ARID1B: variants seen among roughly 807,000 people sequenced by gnomAD.
ARID1B encodes the protein AT-rich interaction domain 1B.
Under a neutral mutation model 212.3 loss-of-function variants are expected in ARID1B, and 30 were observed. That is an observed-to-expected ratio of 0.14 (90% CI 0.11 to 0.19). The LOEUF (loss-of-function observed/expected upper bound fraction) is 0.19. Ranked by LOEUF, ARID1B falls within the 10% of genes least tolerant of loss-of-function variation. The pLI is 1.00. For missense variants in ARID1B, 2,891 were observed against 3,204.0 expected (o/e 0.90, Z 2.36); for synonymous variants, 1,402 against 1,301.7 (o/e 1.08, Z -1.66).
chr6:156,958,718 C>T (rs2128317919), intron 4 of ARID1B, among the ~76,000 whole-genome samples: 1 of 152,182 alleles, frequency 6.6e-6, no homozygotes, highest in African/African-American at 2.4e-5. Context: ...AAATAATCGT[C>T]TTCCTCCTTC....
intron 5 of ARID1B, among the ~76,000 whole-genome samples, chr6:157,092,740 T>G (rs1464088289): frequency 2.0e-5 from 3 of 152,236 alleles, no homozygotes; most frequent in Non-Finnish European, 4.4e-5. Flanking sequence ...GTTTAAATTA[T>G]CCTGTCAATT....
At chr6:157,012,936 A>G (rs1166541361) in intron 4 of ARID1B, among the ~76,000 whole-genome samples, 4 of 137,228 alleles carry the variant, frequency 2.9e-5, no homozygotes, top group South Asian at 2.2e-4. Flanking sequence ...CTGGAGTGCA[A>G]TGGCATGATC....
intron 4 of ARID1B, among the ~76,000 whole-genome samples, chr6:157,064,184 G>A (rs986167155): frequency 1.3e-5 from 2 of 152,132 alleles, no homozygotes; most frequent in Admixed American, 6.5e-5. Flanking sequence ...ATTTTTCCCT[G>A]GCTGATCAGC....
chr6:157,009,487 G>A (rs753957790), intron 4 of ARID1B, among the ~76,000 whole-genome samples: 5 of 152,182 alleles, frequency 3.3e-5, no homozygotes, highest in Non-Finnish European at 7.3e-5. Context: ...TAGTTGAAAG[G>A]AGTTGATTAG....
At chr6:156,887,793 G>A (rs1482954708) in intron 2 of ARID1B, among the ~76,000 whole-genome samples, 1 of 152,076 alleles carries the variant, frequency 6.6e-6, no homozygotes, top group Non-Finnish European at 1.5e-5. Context: ...TTCAAAGGCT[G>A]TATTTAAAAC....
rs12209034 is a variant in ARID1B at position 157,084,362 on chromosome 6, C to T, written c.2248-300C>T. Among the ~76,000 whole-genome samples, 20,907 of 152,058 alleles carry T rather than the reference C, an allele frequency of 0.14. 1,666 individuals carry two copies. The highest frequency in any genetic ancestry group is 0.18 in the Non-Finnish European group (12,497 of 67,920). ...GCAGAGTGCTGTCTGTGTTGTGTGG[C>T]ATTTTGAACAGGTCTAATGGACTCG... is the stretch of plus-strand genomic sequence containing the variant. On this transcript the variant is annotated intron_variant, in intron 4 of 19. Coordinates refer to ENST00000636930, the MANE Select transcript of ARID1B (RefSeq NM_001374828.1).
intron 4 of ARID1B, among the ~76,000 whole-genome samples, chr6:157,056,051 T>C (rs748065525): frequency 2.0e-5 from 3 of 152,184 alleles, no homozygotes; most frequent in Non-Finnish European, 2.9e-5. Flanking sequence ...CAAAGTCAAC[T>C]GATTAGGGAC....
chr6:157,020,760 T>G (rs2128472271), intron 4 of ARID1B, among the ~76,000 whole-genome samples: 1 of 152,356 alleles, frequency 6.6e-6, no homozygotes, highest in Non-Finnish European at 1.5e-5. Flanking sequence ...CCTCTCCCCT[T>G]ATATAACTCT....
At chr6:156,864,925 C>T (rs886860880) in intron 2 of ARID1B, among the ~76,000 whole-genome samples, 10 of 152,242 alleles carry the variant, frequency 6.6e-5, no homozygotes, top group Admixed American at 3.9e-4. Context: ...CTTTGTTTTT[C>T]GTAAATAATT....
In ARID1B at chr6:156,924,063, C is replaced by T. The variant is rs1791022932; in HGVS notation, c.2137-11403C>T. ...ACATCTGTGAACATTTAAATGGCAC[C>T]AGGCACAGTGCTAATTGCTTGAAGG... is the stretch of plus-strand genomic sequence containing the variant. On this transcript the variant is annotated intron_variant, in intron 3 of 19. Transcript: ENST00000636930. 2.6e-5 allele frequency among the ~76,000 whole-genome samples: 4 copies of T among 152,236 alleles called. 1 individual carries two copies. The South Asian group carries it at 8.3e-4, about 32-fold the overall frequency.
chr6:156,877,996 G>A (rs1028261963), intron 2 of ARID1B, among the ~76,000 whole-genome samples: 4 of 152,038 alleles, frequency 2.6e-5, no homozygotes, highest in African/African-American at 7.2e-5. Context: ...GATTACAGGC[G>A]TGAACCACCG....
chr6:157,128,096 ACTG>A (rs1788266310), intron 6 of ARID1B, among the ~76,000 whole-genome samples: 1 of 152,208 alleles, frequency 6.6e-6, no homozygotes, highest in Non-Finnish European at 1.5e-5. Flanking sequence ...AGATGAGGAA[ACTG>A]CTAATAGACA....
intron 17 of ARID1B, among the ~76,000 whole-genome samples, chr6:157,199,227 G>A (rs1793941552): frequency 6.6e-6 from 1 of 152,160 alleles, no homozygotes; most frequent in Non-Finnish European, 1.5e-5. Flanking sequence ...GCATACTGTT[G>A]TATCAGAAGC....
intron 4 of ARID1B, among the ~76,000 whole-genome samples, chr6:157,076,314 T>TG (rs1426674386): frequency 3.8e-4 from 51 of 134,908 alleles, no homozygotes; most frequent in African/African-American, 1.3e-3. Flanking sequence ...TTTGTTTGTT[T>TG]TGTTTTTTTT....
chr6:156,986,895 T>C (rs1562529742), intron 4 of ARID1B, among the ~76,000 whole-genome samples: 1 of 152,112 alleles, frequency 6.6e-6, no homozygotes, highest in East Asian at 1.9e-4. Flanking sequence ...TAAAACAACA[T>C]AGGCCGGGTG....
At chr6:156,966,735 T>C (rs1242584670) in intron 4 of ARID1B, among the ~76,000 whole-genome samples, 1 of 151,852 alleles carries the variant, frequency 6.6e-6, no homozygotes, top group Non-Finnish European at 1.5e-5. Flanking sequence ...GGAGTCTCGC[T>C]CTGTCGCTAG....
At chr6:157,129,298 G>A (rs1221568254) in intron 6 of ARID1B, among the ~76,000 whole-genome samples, 1 of 152,118 alleles carries the variant, frequency 6.6e-6, no homozygotes, top group African/African-American at 2.4e-5. Context: ...TTACATATCT[G>A]TCTCCCCTAC....
intron 4 of ARID1B, among the ~76,000 whole-genome samples, chr6:156,978,491 C>G (rs553522675): frequency 6.6e-6 from 1 of 152,264 alleles, no homozygotes; most frequent in Admixed American, 6.5e-5. Context: ...TTCTTCATAG[C>G]TGTTATGGAC....
chr6:156,944,716 T>C (rs1291752137), intron 4 of ARID1B, among the ~76,000 whole-genome samples: 1 of 152,164 alleles, frequency 6.6e-6, no homozygotes, highest in Admixed American at 6.5e-5. Context: ...TCCCTTCACC[T>C]CCAAACCTCA....
Sources: gnomAD v4.1 joint callset for allele counts (sites outside exome capture counted in the v4.1 genomes callset) on GRCh38, gnomAD v4.1.1 for gene constraint, MANE v1.5 for transcripts, NCBI Gene and HGNC (gene_info 2026-07-23, HGNC 2026-07-21) for gene names.